PROS1: variants seen among roughly 807,000 people sequenced by gnomAD.
PROS1 encodes the protein protein S, also known as vitamin K-dependent protein S.
Under a neutral mutation model 75.9 loss-of-function variants are expected in PROS1, and 29 were observed. The ratio of observed to expected loss-of-function variants is 0.38; its 90% CI spans 0.28 to 0.52. PROS1 has a LOEUF of 0.52. Among genes scored for constraint, PROS1 ranks in the 20% least tolerant of loss-of-function variants. The probability of loss-of-function intolerance (pLI) is 0.83; values close to 1 mark genes in which losing one functional copy is unlikely to be tolerated. For synonymous variants in PROS1, 245 were observed against 280.6 expected (o/e 0.87, Z 1.27); for missense variants, 680 against 810.3 (o/e 0.84, Z 1.95).
chr3:93,962,443 G>A (rs1709720674), intron 1 of PROS1, among the ~76,000 whole-genome samples: 1 of 152,112 alleles, frequency 6.6e-6, no homozygotes, highest in African/African-American at 2.4e-5. Context: ...GGCCCTTAAG[G>A]AAGTATCCTT....
intron 1 of PROS1, among the ~76,000 whole-genome samples, chr3:93,955,090 G>A (rs1016315019): frequency 2.8e-4 from 42 of 152,186 alleles, no homozygotes; most frequent in Non-Finnish European, 5.7e-4. Context: ...GTGCTGGAGA[G>A]GATGTGGAGA....
At position 93,874,084 on chromosome 3, in the gene PROS1, A is replaced by C; in HGVS notation, c.*161T>G. The C allele has an allele frequency of 1.2e-6, 1 of 815,412 alleles. No homozygotes were observed. 50.5% of individuals were successfully genotyped at this position (815,412 alleles called of 1,614,324 possible). ...ATTTCTTTACTGTGATTTATATCAC[A>C]ACAGAATTTTTTTCCTTGACAAAGG... On this transcript the variant is annotated 3_prime_UTR_variant, in exon 15 of 15. Coordinates refer to ENST00000394236, the MANE Select transcript of PROS1 (RefSeq NM_000313.4).
chr3:93,929,060 C>T (rs1168285615), intron 1 of PROS1, among the ~76,000 whole-genome samples: 1 of 152,218 alleles, frequency 6.6e-6, no homozygotes. Context: ...ATATACTCGT[C>T]ATCTCAACAA....
chr3:93,944,645 C>T (rs1312725558), intron 1 of PROS1, among the ~76,000 whole-genome samples: 2 of 152,190 alleles, frequency 1.3e-5, no homozygotes, highest in Non-Finnish European at 2.9e-5. Context: ...CTCTGGGACA[C>T]ATTTAAAGCA....
intron 1 of PROS1, among the ~76,000 whole-genome samples, chr3:93,927,998 T>C (rs1447349446): frequency 2.0e-4 from 4 of 19,824 alleles, no homozygotes; most frequent in Admixed American, 1.4e-3. Flanking sequence ...TGTGTGTATA[T>C]ATATATATAT....
rs369402211 is a variant in PROS1 at position 93,904,802 on chromosome 3, G to T, written c.601+982C>A. The stretch of plus-strand genomic sequence containing the variant: ...ATTAACACAGCCAAACTGAAAGACA[G>T]TATACAAAGAGAAAAAAAGTCAAAA... On this transcript the variant is annotated intron_variant, in intron 6 of 14. Transcript: ENST00000394236. Among the ~76,000 whole-genome samples, 11 of 151,756 alleles carry T rather than the reference G, an allele frequency of 7.2e-5. No homozygotes were observed. In the South Asian group the frequency reaches 2.3e-3, roughly 31 times the overall value.
intron 4 of PROS1, among the ~76,000 whole-genome samples, chr3:93,908,818 G>T (rs528436856): frequency 6.6e-6 from 1 of 152,290 alleles, no homozygotes; most frequent in African/African-American, 2.4e-5. Context: ...TTCCACATAA[G>T]TTACCTAAAT....
intron 1 of PROS1, among the ~76,000 whole-genome samples, chr3:93,929,863 A>G (rs541274024): frequency 6.6e-6 from 1 of 152,330 alleles, no homozygotes; most frequent in African/African-American, 2.4e-5. Flanking sequence ...TTAACCACAA[A>G]TGGTTCTTTC....
intron 4 of PROS1, among the ~76,000 whole-genome samples, chr3:93,909,888 A>T (rs1006289100): frequency 2.0e-5 from 3 of 152,152 alleles, no homozygotes; most frequent in Admixed American, 6.5e-5. Flanking sequence ...TTTTATCAAA[A>T]TTATTATTAT....
intron 6 of PROS1, among the ~76,000 whole-genome samples, chr3:93,904,314 C>A (rs1466528368): frequency 1.3e-5 from 2 of 152,194 alleles, no homozygotes; most frequent in African/African-American, 4.8e-5. Flanking sequence ...GATTTATAGT[C>A]CTTTGGGTAT....
intron 2 of PROS1, among the ~76,000 whole-genome samples, chr3:93,925,283 A>T (rs553126999): frequency 6.6e-6 from 1 of 152,238 alleles, no homozygotes; most frequent in Non-Finnish European, 1.5e-5. Flanking sequence ...TAGTAAGTAC[A>T]GAACATAAGC....
chr3:93,939,131 T>C (rs1709236697), intron 1 of PROS1, among the ~76,000 whole-genome samples: 1 of 152,158 alleles, frequency 6.6e-6, no homozygotes, highest in Admixed American at 6.5e-5. Flanking sequence ...CAATGCCACT[T>C]GACCCCAATA....
At chr3:93,910,799 T>C in intron 3 of PROS1, 94 bp from the exon 4 acceptor site, 1 of 976,980 alleles carries the variant, frequency 1.0e-6, no homozygotes, top group East Asian at 2.6e-5. Flanking sequence ...AGGACATTTA[T>C]GCTCCTGTAG....
At chr3:93,882,554 C>G (rs1708287052) in intron 12 of PROS1, among the ~76,000 whole-genome samples, 1 of 152,132 alleles carries the variant, frequency 6.6e-6, no homozygotes, top group South Asian at 2.1e-4. Flanking sequence ...CCAAGGAAAG[C>G]CAGAATGAGA....
chr3:93,970,295 C>A (rs1426520278), intron 1 of PROS1, among the ~76,000 whole-genome samples: 1 of 152,086 alleles, frequency 6.6e-6, no homozygotes, highest in Non-Finnish European at 1.5e-5. Flanking sequence ...TCACCACATG[C>A]CTTAAGTGGG....
intron 1 of PROS1, among the ~76,000 whole-genome samples, chr3:93,952,844 A>G (rs1293016492): frequency 1.3e-5 from 2 of 152,228 alleles, no homozygotes; most frequent in Non-Finnish European, 2.9e-5. Flanking sequence ...AGACTAATAA[A>G]GAAGAAAAGA....
chr3:93,947,677 C>T (rs1161378793), intron 1 of PROS1, among the ~76,000 whole-genome samples: 10 of 152,178 alleles, frequency 6.6e-5, no homozygotes, highest in Non-Finnish European at 1.2e-4. Flanking sequence ...CACCATTCTC[C>T]TGCCTCAGCC....
At chr3:93,927,163 G>A in intron 2 of PROS1, 87 bp downstream of exon 2, 1 of 1,518,802 alleles carries the variant, frequency 6.6e-7, no homozygotes, top group South Asian at 1.1e-5. Context: ...ACTTTAAGAT[G>A]GAACAGAAGG....
At chr3:93,966,898 G>A (rs1709799552) in intron 1 of PROS1, among the ~76,000 whole-genome samples, 3 of 151,808 alleles carry the variant, frequency 2.0e-5, no homozygotes, top group Non-Finnish European at 4.4e-5. Flanking sequence ...GTTGTCAGAT[G>A]TTCCTTCATT....
Sources: gnomAD v4.1 joint callset for allele counts (sites outside exome capture counted in the v4.1 genomes callset) on GRCh38, gnomAD v4.1.1 for gene constraint, MANE v1.5 for transcripts, NCBI Gene and HGNC (gene_info 2026-07-23, HGNC 2026-07-21) for gene names.